Variants in DVL2 observed in about 807,000 individuals in gnomAD.
DVL2 encodes segment polarity protein dishevelled homolog DVL-2.
A neutral mutation model predicts 69.8 loss-of-function variants in DVL2; 38 were observed. The ratio of observed to expected loss-of-function variants is 0.54; its 90% CI spans 0.42 to 0.71. The LOEUF is 0.71. Among genes scored for constraint, DVL2 ranks in the 30% least tolerant of loss-of-function variants. The pLI is 0.00. For synonymous variants in DVL2, 428 were observed against 392.4 expected, an observed-to-expected ratio of 1.09 and a Z score of -1.07; for missense variants, 931 against 1,008.1, an observed-to-expected ratio of 0.92 and a Z score of 1.04.
chr17:7,233,097 A>AAAAAAAAAAAAAAAAAAAAC (rs2071570037), intron 1 of DVL2, among the ~76,000 whole-genome samples: 1 of 149,674 alleles, frequency 6.7e-6, no homozygotes, highest in Non-Finnish European at 1.5e-5. Context: ...CAAAAAAAAA[A>AAAAAAAAAAAAAAAAAAAAC]AAAAAAAAAA....
intron 10 of DVL2, 26 bp downstream of exon 10, chr17:7,227,951 C>A: frequency 6.3e-7 from 1 of 1,576,368 alleles, no homozygotes; most frequent in Non-Finnish European, 8.6e-7. Flanking sequence ...CCCCCAACTT[C>A]AGGCCCCTCC....
At chr17:7,231,891 T>G (rs1230113452) in intron 1 of DVL2, among the ~76,000 whole-genome samples, 1 of 149,216 alleles carries the variant, frequency 6.7e-6, no homozygotes, top group African/African-American at 2.5e-5. Flanking sequence ...AACCACCCAT[T>G]GGATCAAACA....
Position 7,225,752 on chromosome 17 carries a change from T to G in DVL2, c.*113A>C. The G allele has an allele frequency of 1.1e-6, 1 of 935,122 alleles. No individual in the cohort carries two copies. Among genetic ancestry groups the G allele is most frequent in the South Asian group, 1.4e-5 (1 of 70,384 alleles). 57.9% of individuals were successfully genotyped at this position (935,122 alleles called of 1,614,324 possible). A position where few individuals can be genotyped will look rare whatever the true frequency, so the allele number is the denominator to read the frequency against. On this transcript the variant is annotated 3_prime_UTR_variant, in exon 15 of 15. Coordinates refer to ENST00000005340, the MANE Select transcript of DVL2 (RefSeq NM_004422.3). Reference sequence around the variant, plus strand: ...GAGAGTCACAGTGGCCACAATCTCCTGTATGGCAGCAGCTGGTAGGCTGAG... The same window carrying G: ...GAGAGTCACAGTGGCCACAATCTCCGGTATGGCAGCAGCTGGTAGGCTGAG...
In DVL2 at chr17:7,234,478, CGCCACCGCCACCGACGCCGCGA is replaced by C. The variant is rs1172264844; in HGVS notation, c.-238_-217del. ...AGCCCCGGTCTCAGCGGCCGCCGCGCGCCACCGCCACCGACGCCGCGAGCTTCCTCCAGGTACCCGCCCACCT... is the reference window on the plus strand; with the variant it reads ...AGCCCCGGTCTCAGCGGCCGCCGCGCGCTTCCTCCAGGTACCCGCCCACCT... On this transcript the variant is annotated 5_prime_UTR_variant, in exon 1 of 15. Coordinates refer to ENST00000005340, the MANE Select transcript of DVL2 (RefSeq NM_004422.3). The C allele has an allele frequency of 3.6e-6, 2 of 550,258 alleles. No individual in the cohort carries two copies. Among genetic ancestry groups the C allele is most frequent in the Non-Finnish European group, 6.2e-6 (2 of 323,084 alleles). The allele number at this position is 550,258 out of a possible 1,614,324, so 34.1% of individuals were successfully genotyped here. A position where few individuals can be genotyped will look rare whatever the true frequency, so the allele number is the denominator to read the frequency against.
chr17:7,230,187 T>A lies in DVL2; in HGVS notation c.411-32A>T, dbSNP rs1224411088. 3 of 1,611,812 alleles carry A rather than the reference T, an allele frequency of 1.9e-6. No individual in the cohort carries two copies. In the East Asian group the frequency reaches 6.7e-5, roughly 36 times the overall value. On this transcript the variant is annotated intron_variant, in intron 3 of 14. Transcript: ENST00000005340. ...AGGCAGAGATGGTTTCCAACCCACATCAGGAGAACAGGGCTCCGGATCCTA... is the reference window on the plus strand; with the variant it reads ...AGGCAGAGATGGTTTCCAACCCACAACAGGAGAACAGGGCTCCGGATCCTA...
chr17:7,227,753 G>A lies in DVL2; in HGVS notation c.1133C>T (p.Ala378Val), dbSNP rs1485862708. 6.3e-7 allele frequency: 1 copy of A among 1,590,746 alleles called. No homozygotes were observed. The highest frequency in any genetic ancestry group is 1.8e-5 in the Admixed American group (1 of 55,964). The change falls in exon 11 of 15, where the codon GCC becomes GTC. Residue 378 changes from alanine (A) to valine (V), a missense_variant. Ala to Val is a moderately conservative substitution (Grantham distance 64). Transcript: ENST00000005340. ...NEPIQPIDPA[A>V]WVSHSAALTG... ...CAGAGCCGCGGAATGGGACACCCAGGCAGCAGGGTCAATTGGCTGGATGGG... is the reference window on the plus strand; with the variant it reads ...CAGAGCCGCGGAATGGGACACCCAGACAGCAGGGTCAATTGGCTGGATGGG...
rs1339542016 is a variant in DVL2 at position 7,226,083 on chromosome 17, G to A, written c.1993C>T (p.His665Tyr). ...ATGCCAGGGGGCGGTCCATAGGGAT[G>A]GAGCCCTGGGTGGGCTCGGAGATTA... The part of the protein sequence containing the change: ...APNLRAHPGL[H>Y]PYGPPPGMAL... Residue 665 changes from histidine to tyrosine, a missense_variant, in exon 15 of 15, where the codon CAT becomes TAT. His to Tyr is a moderately conservative substitution (Grantham distance 83, BLOSUM62 2). Coordinates refer to ENST00000005340, the MANE Select transcript of DVL2 (RefSeq NM_004422.3). 1 of 1,596,836 alleles carries A rather than the reference G, an allele frequency of 6.3e-7. No individual in the cohort carries two copies. The highest frequency in any genetic ancestry group is 1.1e-5 in the South Asian group (1 of 89,308).
chr17:7,232,173 A>C (rs1170657650), intron 1 of DVL2, among the ~76,000 whole-genome samples: 1 of 152,196 alleles, frequency 6.6e-6, no homozygotes, highest in Admixed American at 6.5e-5. Flanking sequence ...ACACTTAAGC[A>C]TTAACAAATA....
chr17:7,226,333 G>A lies in DVL2; in HGVS notation c.1763-20C>T, dbSNP rs770832523. 4.6e-5 allele frequency: 71 copies of A among 1,546,676 alleles called. No homozygotes were observed. Among genetic ancestry groups the A allele is most frequent in the Non-Finnish European group, 5.7e-5 (66 of 1,150,834 alleles). On this transcript the variant is annotated intron_variant, in intron 14 of 14. Coordinates refer to ENST00000005340, the MANE Select transcript of DVL2 (RefSeq NM_004422.3). Reference sequence around the variant, plus strand: ...GGCTGCCTGTGGAGGGAGGGGAGGGGCAACTGAGTCCTCACCCAGGCTCCT... The same window carrying A: ...GGCTGCCTGTGGAGGGAGGGGAGGGACAACTGAGTCCTCACCCAGGCTCCT...
Position 7,225,438 on chromosome 17 carries a change from T to A in DVL2, c.*427A>T. On this transcript the variant is annotated 3_prime_UTR_variant, in exon 15 of 15. Coordinates refer to ENST00000005340, the MANE Select transcript of DVL2 (RefSeq NM_004422.3). ...ACATGGCCCAAATCTCCCAGCTTCC[T>A]CAGGCTGCTGTCTAGGATGCCTAAC... The A allele has an allele frequency of 2.3e-6, 1 of 439,588 alleles. No homozygotes were observed. The highest frequency in any genetic ancestry group is 4.8e-5 in the East Asian group (1 of 20,886). 27.2% of individuals were successfully genotyped at this position (439,588 alleles called of 1,614,324 possible).
intron 1 of DVL2, among the ~76,000 whole-genome samples, chr17:7,232,193 AAATG>A (rs1479000932): frequency 6.6e-6 from 1 of 152,232 alleles, no homozygotes; most frequent in Non-Finnish European, 1.5e-5. Context: ...ACTGTCGACT[AAATG>A]AATAAACGTA....
At chr17:7,226,904 C>T in intron 13 of DVL2, 186 bp downstream of exon 13, 1 of 676,888 alleles carries the variant, frequency 1.5e-6, no homozygotes, top group Admixed American at 3.0e-5. Flanking sequence ...TGGCACATGG[C>T]TTGTCCAGCA....
At chr17:7,228,143 G>A in intron 9 of DVL2, 99 bp from the exon 10 acceptor site, 1 of 1,002,214 alleles carries the variant, frequency 1.0e-6, no homozygotes, top group Non-Finnish European at 1.5e-6. Flanking sequence ...ACAAAGAGGG[G>A]GAGAAGCAAG....
In DVL2 at chr17:7,225,352, C is replaced by T. The variant is rs1391750147; in HGVS notation, c.*513G>A. ...AGCCAGAGGCGTGGGGAGTTTGCCT[C>T]TATTGCTTTATTTGGTGTTTTATAC... On this transcript the variant is annotated 3_prime_UTR_variant, in exon 15 of 15. Coordinates refer to ENST00000005340, the MANE Select transcript of DVL2 (RefSeq NM_004422.3). 2 of 579,986 alleles carry T rather than the reference C, an allele frequency of 3.4e-6. No homozygotes were observed. The highest frequency in any genetic ancestry group is 2.0e-5 in the South Asian group (1 of 49,254). 35.9% of individuals were successfully genotyped at this position (579,986 alleles called of 1,614,324 possible).
rs1359332061 is a variant in DVL2, at chr17:7,229,570, C to T, written c.747+18G>A. ...CCCACCTTCTCCCAGCACCAGCCTTCCTGTAGGAACCCCTCACCCTCTCCA... is the reference window on the plus strand; with the variant it reads ...CCCACCTTCTCCCAGCACCAGCCTTTCTGTAGGAACCCCTCACCCTCTCCA... On this transcript the variant is annotated intron_variant, in intron 6 of 14. Transcript: ENST00000005340. This position sits in a 1 kb window ranked among gnomAD's most constrained non-coding sequence, Gnocchi z 4.4. 2 of 1,587,070 alleles carry T rather than the reference C, an allele frequency of 1.3e-6. No homozygotes were observed. Among genetic ancestry groups the T allele is most frequent in the African/African-American group, 1.4e-5 (1 of 73,898 alleles).
chr17:7,225,808 G>T lies in DVL2; in HGVS notation c.*57C>A. On this transcript the variant is annotated 3_prime_UTR_variant, in exon 15 of 15. Transcript: ENST00000005340. ...GCACTGTAAGAGCAAGCACATGACGGCCAGGACACCCAGTCACACACCAGG... is the reference window on the plus strand; with the variant it reads ...GCACTGTAAGAGCAAGCACATGACGTCCAGGACACCCAGTCACACACCAGG... The T allele has an allele frequency of 6.8e-7, 1 of 1,474,744 alleles. No individual in the cohort carries two copies. The highest frequency in any genetic ancestry group is 9.5e-7 in the Non-Finnish European group (1 of 1,057,630). The allele number at this position is 1,474,744 out of a possible 1,614,324, so 91.4% of individuals were successfully genotyped here.
In DVL2 at chr17:7,226,659, AG is replaced by A; in HGVS notation, c.1544-21del. On this transcript the variant is annotated intron_variant, in intron 13 of 14. Transcript: ENST00000005340. ...CTAGGTCTGGAAAGCAAGGGAAGAG[AG>A]GAAGAAATCACTGCTTCAAGAGGCT... The A allele has an allele frequency of 6.7e-7, 1 of 1,492,912 alleles. No individual in the cohort carries two copies. The highest frequency in any genetic ancestry group is 8.9e-7 in the Non-Finnish European group (1 of 1,120,982). The allele number at this position is 1,492,912 out of a possible 1,614,324, so 92.5% of individuals were successfully genotyped here. A position where few individuals can be genotyped will look rare whatever the true frequency, so the allele number is the denominator to read the frequency against.
intron 9 of DVL2, chr17:7,228,575 G>A (rs137997402): frequency 1.8e-4 from 40 of 220,130 alleles, no homozygotes; most frequent in African/African-American, 8.8e-4. Context: ...TGAACGTTAT[G>A]TCTTAGCACT....
At chr17:7,231,003 A>C (rs1298614609) in intron 1 of DVL2, among the ~76,000 whole-genome samples, 1 of 152,052 alleles carries the variant, frequency 6.6e-6, no homozygotes. Context: ...CCTCTCCCTA[A>C]CGCACCCTCA....
Sources: allele counts gnomAD v4.1 joint callset (sites outside exome capture counted in the v4.1 genomes callset), GRCh38; gene constraint gnomAD v4.1.1; non-coding constraint Gnocchi (gnomAD v3.1); transcripts MANE v1.5; gene names NCBI Gene and HGNC (gene_info 2026-07-23, HGNC 2026-07-21).